COL4A2: variants seen among roughly 807,000 people sequenced by gnomAD.
COL4A2 encodes collagen alpha-2(IV) chain.
Under a neutral mutation model 200.2 loss-of-function variants are expected in COL4A2, and 99 were observed. The ratio of observed to expected loss-of-function variants is 0.49; its 90% CI spans 0.42 to 0.58. The LOEUF (loss-of-function observed/expected upper bound fraction) is 0.58. COL4A2 is among the 20% of genes least tolerant of loss of function. COL4A2 has a pLI of 0.00. For synonymous variants in COL4A2, 897 were observed against 900.6 expected, an observed-to-expected ratio of 1.00 and a Z score of 0.07; for missense variants, 1,950 against 2,314.1, an observed-to-expected ratio of 0.84 and a Z score of 3.23.
chr13:110,479,416 G>T (rs113949061), intron 30 of COL4A2, among the ~76,000 whole-genome samples: 66 of 152,150 alleles, frequency 4.3e-4, no homozygotes, highest in African/African-American at 1.6e-3. Context: ...GCTGGGACTG[G>T]AATGTGGGGT....
At chr13:110,356,026 A>G (rs1197676980) in intron 3 of COL4A2, among the ~76,000 whole-genome samples, 1 of 152,112 alleles carries the variant, frequency 6.6e-6, no homozygotes. Context: ...GGTCACTCTG[A>G]TTGCCATCAT....
At chr13:110,439,953 G>C (rs1881059492) in intron 16 of COL4A2, 120 bp downstream of exon 16, 1 of 1,424,994 alleles carries the variant, frequency 7.0e-7, no homozygotes, top group Non-Finnish European at 9.4e-7. Context: ...ATTGAAAATG[G>C]TTCTTGTATT....
At chr13:110,454,059 A>T (rs1215087269) in intron 20 of COL4A2, among the ~76,000 whole-genome samples, 1 of 152,220 alleles carries the variant, frequency 6.6e-6, no homozygotes, top group Non-Finnish European at 1.5e-5. Context: ...AGTAAAATCA[A>T]ACCACGAAGA....
intron 4 of COL4A2, among the ~76,000 whole-genome samples, chr13:110,365,205 C>CA (rs1257992205): frequency 3.9e-5 from 6 of 152,136 alleles, no homozygotes; most frequent in Admixed American, 3.9e-4. Context: ...GCAGTGGCGC[C>CA]ACCTCGGGTC....
At chr13:110,460,875 T>C (rs1482674705) in intron 22 of COL4A2, among the ~76,000 whole-genome samples, 1 of 152,208 alleles carries the variant, frequency 6.6e-6, no homozygotes, top group Admixed American at 6.5e-5. Flanking sequence ...TGAGGAACTC[T>C]CCTAGATTCT....
At chr13:110,425,068 G>C (rs1216479267) in intron 6 of COL4A2, 71 bp downstream of exon 6, 8 of 1,580,566 alleles carry the variant, frequency 5.1e-6, no homozygotes, top group Non-Finnish European at 6.1e-6. Flanking sequence ...GTGACTTAAA[G>C]AAACATTTTG....
chr13:110,348,212 C>T (rs1876798621), intron 3 of COL4A2, among the ~76,000 whole-genome samples: 1 of 152,236 alleles, frequency 6.6e-6, no homozygotes, highest in Admixed American at 6.5e-5. Flanking sequence ...GCCCATGGGG[C>T]TTATTCATTG....
intron 4 of COL4A2, among the ~76,000 whole-genome samples, chr13:110,410,431 C>T (rs1264267080): frequency 1.1e-4 from 16 of 152,208 alleles, no homozygotes; most frequent in Admixed American, 1.0e-3. Context: ...GAGACTCATT[C>T]TGTTCTTGGA....
chr13:110,446,882 C>T lies in COL4A2; in HGVS notation c.1078+18C>T. 1 of 1,607,128 alleles carries T rather than the reference C, an allele frequency of 6.2e-7. No homozygotes were observed. The highest frequency in any genetic ancestry group is 2.2e-5 in the East Asian group (1 of 44,686). On this transcript the variant is annotated intron_variant, in intron 18 of 47. Transcript: ENST00000360467. ...AGCAAAAGGTGTGTGAACAATTTCA[C>T]CTGCATAGTTCAGCATCGCATACAC...
intron 4 of COL4A2, among the ~76,000 whole-genome samples, chr13:110,360,649 G>A (rs188183991): frequency 3.3e-5 from 5 of 152,304 alleles, no homozygotes; most frequent in Admixed American, 2.6e-4. Context: ...TGGTTAATCT[G>A]ATTAACTTGA....
chr13:110,504,149 T>C lies in COL4A2; in HGVS notation c.4287T>C (p.Gly1429=). The C allele has an allele frequency of 6.2e-7, 1 of 1,613,984 alleles. No individual in the cohort carries two copies. Among genetic ancestry groups the C allele is most frequent in the Non-Finnish European group, 8.5e-7 (1 of 1,179,928 alleles). Residue 1429 remains glycine, a splice_region_variant and synonymous_variant, in exon 45 of 48, where the codon GGT becomes GGC. Transcript: ENST00000360467. ...TAACGCTTCTTTGGTGGCTTGCAGGTTTCCGTGGGGCTCCAGGGAAAGCTG... is the reference window on the plus strand; with the variant it reads ...TAACGCTTCTTTGGTGGCTTGCAGGCTTCCGTGGGGCTCCAGGGAAAGCTG... The part of the protein sequence containing the change: ...MGPQGPPGEP[G]FRGAPGKAGP...
intron 4 of COL4A2, among the ~76,000 whole-genome samples, chr13:110,365,033 T>C (rs1877682811): frequency 6.6e-6 from 1 of 152,226 alleles, no homozygotes; most frequent in South Asian, 2.1e-4. Context: ...TACTAAGTAT[T>C]TGTTGAATGA....
chr13:110,457,974 T>C (rs1881843136), intron 21 of COL4A2: 2 of 396,876 alleles, frequency 5.0e-6, no homozygotes, highest in Non-Finnish European at 1.0e-5. Flanking sequence ...CCTCAGGGAC[T>C]CTGCCCCTAG....
chr13:110,493,079 ATGGGTGAAATAACGATGAGTGACACC>A (rs1883340611), intron 38 of COL4A2, 106 bp from the exon 39 acceptor site: 330 of 860,456 alleles, frequency 3.8e-4, no homozygotes, highest in South Asian at 1.4e-3. Flanking sequence ...TGACACCCCC[ATGGGTGAAATAACGATGAGTGACACC>A]CCCATGGGTG....
chr13:110,457,733 G>T, intron 21 of COL4A2: 1 of 553,868 alleles, frequency 1.8e-6, no homozygotes, highest in Non-Finnish European at 3.6e-6. Context: ...GGTTAAAAGG[G>T]AAAACAGTTA....
Position 110,484,339 on chromosome 13 carries a change from C to T in COL4A2, c.2903-566C>T, listed in dbSNP as rs574351295. Among the ~76,000 whole-genome samples the T allele has an allele frequency of 1.4e-4, 22 of 152,270 alleles. No homozygotes were observed. The South Asian group carries it at 2.3e-3, about 16-fold the overall frequency. ...TCACTGAGCCAGATTTCACTTACTC[C>T]TCCAGTGAGCATGGATTCCGGGGCA... On this transcript the variant is annotated intron_variant, in intron 32 of 47. Coordinates refer to ENST00000360467, the MANE Select transcript of COL4A2 (RefSeq NM_001846.4).
intron 30 of COL4A2, among the ~76,000 whole-genome samples, chr13:110,479,297 A>G (rs1882808941): frequency 9.2e-6 from 1 of 108,116 alleles, no homozygotes; most frequent in Non-Finnish European, 2.0e-5. Context: ...GGCCTGGGCA[A>G]GCCAGCAGAG....
intron 6 of COL4A2, among the ~76,000 whole-genome samples, 189 bp from the exon 7 acceptor site, chr13:110,428,278 T>C (rs903465789): frequency 6.6e-6 from 1 of 152,252 alleles, no homozygotes; most frequent in African/African-American, 2.4e-5. Flanking sequence ...TTTTCCCTGC[T>C]TAGAACGATA....
intron 4 of COL4A2, among the ~76,000 whole-genome samples, chr13:110,369,042 A>G (rs1438818780): frequency 1.3e-5 from 2 of 152,134 alleles, no homozygotes. Flanking sequence ...CCAGGTCTCT[A>G]CTAAAAATAC....
Sources: allele counts gnomAD v4.1 joint callset (sites outside exome capture counted in the v4.1 genomes callset), GRCh38; gene constraint gnomAD v4.1.1; transcripts MANE v1.5; gene names NCBI Gene and HGNC (gene_info 2026-07-23, HGNC 2026-07-21).